The following POLN variants were observed in gnomAD, a reference collection of about 807,000 sequenced individuals.
POLN encodes DNA polymerase N.
In POLN, 108 loss-of-function variants were observed where a neutral mutation model predicts 113.5. The observed-to-expected ratio is 0.95, with a 90% CI of 0.81 to 1.12. The LOEUF (loss-of-function observed/expected upper bound fraction) is 1.12, where lower values mean the gene tolerates loss of function less well. POLN is among the 50% of genes most tolerant of loss of function. The probability of loss-of-function intolerance (pLI) is 0.00; values close to 1 mark genes in which losing one functional copy is unlikely to be tolerated. For synonymous variants in POLN, 386 were observed against 391.5 expected, an observed-to-expected ratio of 0.99 and a Z score of 0.17; for missense variants, 1,097 against 1,077.1, an observed-to-expected ratio of 1.02 and a Z score of -0.26.
intron 19 of POLN, among the ~76,000 whole-genome samples, chr4:2,120,497 T>G (rs1013398830): frequency 6.6e-6 from 1 of 151,908 alleles, no homozygotes; most frequent in Admixed American, 6.6e-5. Flanking sequence ...ATCTATAGAG[T>G]GATTTTTTTT....
At chr4:2,140,223 G>A (rs143307045) in intron 16 of POLN, among the ~76,000 whole-genome samples, 78 of 152,122 alleles carry the variant, frequency 5.1e-4, no homozygotes, top group Middle Eastern at 6.8e-3. Flanking sequence ...GATTACAGGC[G>A]TGCGCCACCA....
At chr4:2,098,110 TAAG>T (rs1383584274) in intron 19 of POLN, among the ~76,000 whole-genome samples, 2 of 152,136 alleles carry the variant, frequency 1.3e-5, no homozygotes, top group Non-Finnish European at 2.9e-5. Flanking sequence ...TATATTTAGA[TAAG>T]AAGCAAAAAG....
intron 20 of POLN, among the ~76,000 whole-genome samples, chr4:2,088,386 GA>G (rs1455273726): frequency 6.6e-6 from 1 of 151,914 alleles, no homozygotes; most frequent in Non-Finnish European, 1.5e-5. Context: ...ATATCTCATA[GA>G]AAAAAATATT....
intron 2 of POLN, chr4:2,231,980 C>A (rs768527117): frequency 2.7e-6 from 4 of 1,482,922 alleles, no homozygotes; most frequent in Middle Eastern, 1.7e-4. Context: ...AAATTCTCCA[C>A]AATATCTTTC....
chr4:2,173,824 A>T (rs1055814437), intron 11 of POLN, 131 bp downstream of exon 11: 7 of 870,220 alleles, frequency 8.0e-6, no homozygotes, highest in Non-Finnish European at 1.3e-5. Flanking sequence ...CGTCAGAAAG[A>T]GGGAGAAACA....
intron 3 of POLN, among the ~76,000 whole-genome samples, chr4:2,219,525 A>G (rs568047699): frequency 2.6e-5 from 4 of 151,880 alleles, no homozygotes; most frequent in Admixed American, 6.6e-5. Context: ...TCAGGATCCT[A>G]TCTCCCTGAC....
intron 6 of POLN, among the ~76,000 whole-genome samples, chr4:2,196,661 GTT>G (rs1733582305): frequency 6.6e-6 from 1 of 151,580 alleles, no homozygotes; most frequent in South Asian, 2.1e-4. Flanking sequence ...AAAGCCCATG[GTT>G]TTTAGAGTCA....
intron 16 of POLN, among the ~76,000 whole-genome samples, chr4:2,148,234 G>C (rs1176222895): frequency 6.6e-6 from 1 of 152,140 alleles, no homozygotes; most frequent in African/African-American, 2.4e-5. Context: ...AATTGAAACA[G>C]AAGAAAATCC....
chr4:2,203,573 C>G (rs1371449755), intron 5 of POLN, among the ~76,000 whole-genome samples: 1 of 145,996 alleles, frequency 6.8e-6, no homozygotes, highest in Admixed American at 6.8e-5. Context: ...CAGCAAGACT[C>G]TGTCTAAAAA....
At chr4:2,175,165 TATC>T (rs1732965513) in intron 9 of POLN, among the ~76,000 whole-genome samples, 1 of 152,114 alleles carries the variant, frequency 6.6e-6, no homozygotes, top group Non-Finnish European at 1.5e-5. Flanking sequence ...AGGTGACCCC[TATC>T]ATGGGCATGG....
chr4:2,106,751 A>C (rs1300400963), intron 19 of POLN, among the ~76,000 whole-genome samples: 1 of 151,996 alleles, frequency 6.6e-6, no homozygotes, highest in Non-Finnish European at 1.5e-5. Context: ...CCATTGATCT[A>C]TTCTGGTTTT....
intron 1 of POLN, 56 bp from the exon 2 acceptor site, chr4:2,241,846 G>A: frequency 2.0e-6 from 2 of 985,540 alleles, no homozygotes; most frequent in Non-Finnish European, 1.2e-6. Context: ...AGCTGCAGAA[G>A]ACGGGGGTGA....
rs770276355 is a variant in POLN at position 2,095,868 on chromosome 4, G to GC, written c.2047dup (p.Ala683GlyfsTer70). Reference sequence around the variant, plus strand: ...CAGCCTACCTGCTCCATAGACCACCGCGTACACCACCTTCTTGGTTTGCTC... The same window carrying GC: ...CAGCCTACCTGCTCCATAGACCACCGCCGTACACCACCTTCTTGGTTTGCTC... On this transcript the variant is annotated frameshift_variant, in exon 20 of 26. Transcript: ENST00000511885. LOFTEE classifies it high-confidence loss of function. The GC allele has an allele frequency of 6.2e-7, 1 of 1,613,974 alleles. No individual in the cohort carries two copies. The highest frequency in any genetic ancestry group is 8.5e-7 in the Non-Finnish European group (1 of 1,180,002).
chr4:2,131,172 G>A, intron 17 of POLN, 61 bp downstream of exon 17: 2 of 1,224,850 alleles, frequency 1.6e-6, no homozygotes, highest in East Asian at 2.4e-5. Flanking sequence ...GTGACAGAGT[G>A]ACACCCTATC....
intron 3 of POLN, among the ~76,000 whole-genome samples, chr4:2,218,162 T>A (rs1436952647): frequency 6.6e-6 from 1 of 151,800 alleles, no homozygotes; most frequent in Non-Finnish European, 1.5e-5. Context: ...CCAGGCGTGG[T>A]GGCTCATGCC....
Position 2,157,908 on chromosome 4 carries a change from G to C in POLN, c.1615C>G (p.His539Asp). Reference sequence around the variant, plus strand: ...TCTACAAAGGTTGACTTGATCTTGTGAACCTAAGGTGGAAAGACAAGAATA... The same window carrying C: ...TCTACAAAGGTTGACTTGATCTTGTCAACCTAAGGTGGAAAGACAAGAATA... Reference protein sequence around the residue: ...PKIILEYRQVHKIKSTFVDGL... With the variant: ...PKIILEYRQVDKIKSTFVDGL... The change falls in exon 15 of 26, where the codon CAC becomes GAC. Residue 539 changes from histidine to aspartate, a missense_variant. His to Asp is a moderately conservative substitution (Grantham distance 81). Transcript: ENST00000511885. The C allele has an allele frequency of 6.2e-7, 1 of 1,604,148 alleles. No homozygotes were observed. The highest frequency in any genetic ancestry group is 8.5e-7 in the Non-Finnish European group (1 of 1,172,798).
At position 2,093,761 on chromosome 4, in the gene POLN, A is replaced by C. The variant is rs951163133; in HGVS notation, c.2065+2090T>G. ...CTCTGAGGAGAATCAATCCAATGTC[A>C]CACTACTGTCACTCACAGAACCTAG... On this transcript the variant is annotated intron_variant, in intron 20 of 25. Coordinates refer to ENST00000511885, the MANE Select transcript of POLN (RefSeq NM_181808.4). This position sits in a 1 kb window ranked among gnomAD's most constrained non-coding sequence, Gnocchi z 4.1. Among the ~76,000 whole-genome samples the C allele has an allele frequency of 2.0e-5, 3 of 152,180 alleles. No individual in the cohort carries two copies. The highest frequency in any genetic ancestry group is 1.3e-4 in the Admixed American group (2 of 15,274).
intron 19 of POLN, among the ~76,000 whole-genome samples, chr4:2,121,654 T>C (rs963502954): frequency 2.0e-5 from 3 of 152,094 alleles, no homozygotes; most frequent in African/African-American, 7.2e-5. Context: ...ATTCCCTTTT[T>C]AACCTTTTGA....
intron 13 of POLN, among the ~76,000 whole-genome samples, chr4:2,165,804 T>C (rs1317109211): frequency 2.0e-5 from 3 of 152,156 alleles, no homozygotes; most frequent in African/African-American, 7.2e-5. Context: ...TGAGACAGTG[T>C]CTCACTCTGT....
Sources: gnomAD v4.1 joint callset for allele counts (sites outside exome capture counted in the v4.1 genomes callset) on GRCh38, gnomAD v4.1.1 for gene constraint, Gnocchi (gnomAD v3.1) non-coding constraint, MANE v1.5 for transcripts, NCBI Gene and HGNC (gene_info 2026-07-23, HGNC 2026-07-21) for gene names.